SLAMF6: variants seen among roughly 807,000 people sequenced by gnomAD.
The protein encoded by SLAMF6 is SLAM family member 6.
SLAMF6 carries 21 observed loss-of-function variants against 38.3 expected under a neutral mutation model. That is an observed-to-expected ratio of 0.55 (90% CI 0.39 to 0.79). The LOEUF is 0.79. Ranked by LOEUF, SLAMF6 falls within the 30% of genes least tolerant of loss-of-function variation. The probability of loss-of-function intolerance (pLI) is 0.00; values close to 1 mark genes in which losing one functional copy is unlikely to be tolerated. For missense variants in SLAMF6, 341 were observed against 385.3 expected, an observed-to-expected ratio of 0.89 and a Z score of 0.96; for synonymous variants, 152 against 146.3, an observed-to-expected ratio of 1.04 and a Z score of -0.28.
chr1:160,516,022 A>G (rs1654726859), intron 1 of SLAMF6, among the ~76,000 whole-genome samples: 1 of 152,178 alleles, frequency 6.6e-6, no homozygotes, highest in Non-Finnish European at 1.5e-5. Flanking sequence ...GGCAAGAGAA[A>G]GAAATAAAGC....
chr1:160,490,160 C>G (rs555033934), intron 5 of SLAMF6, 38 bp downstream of exon 5: 2 of 1,610,888 alleles, frequency 1.2e-6, no homozygotes, highest in East Asian at 2.2e-5. Flanking sequence ...CTCTTCCCAT[C>G]TGCTTTATGA....
At chr1:160,489,896 T>A (rs1653187251) in intron 5 of SLAMF6, among the ~76,000 whole-genome samples, 1 of 152,178 alleles carries the variant, frequency 6.6e-6, no homozygotes, top group Non-Finnish European at 1.5e-5. Flanking sequence ...GCCTGTGCCC[T>A]GGACTTGCTG....
At position 160,523,204 on chromosome 1, in the gene SLAMF6, T is replaced by C. The variant is rs762835089; in HGVS notation, c.-12A>G. 6.2e-7 allele frequency: 1 copy of C among 1,612,878 alleles called. No individual in the cohort carries two copies. The highest frequency in any genetic ancestry group is 8.5e-7 in the Non-Finnish European group (1 of 1,179,504). Reference sequence around the variant, plus strand: ...AACAGCCACAACATGCTTTCCGCGGTGAAGACTGGTGCTTGAGACCTTGAG... The same window carrying C: ...AACAGCCACAACATGCTTTCCGCGGCGAAGACTGGTGCTTGAGACCTTGAG... On this transcript the variant is annotated 5_prime_UTR_variant, in exon 1 of 8. Transcript: ENST00000368057.
At chr1:160,498,149 TTTTTTTTTTATTTTTTGA>T (rs1437334246) in intron 1 of SLAMF6, among the ~76,000 whole-genome samples, 35 of 141,280 alleles carry the variant, frequency 2.5e-4, no homozygotes, top group African/African-American at 1.0e-3. Context: ...CTAGCACCTG[TTTTTTTTTTATTTTTTGA>T]CTTTTAATAA....
chr1:160,487,615 G>C (rs1041005065), intron 6 of SLAMF6, among the ~76,000 whole-genome samples: 1 of 152,130 alleles, frequency 6.6e-6, no homozygotes, highest in Non-Finnish European at 1.5e-5. Flanking sequence ...TAACTGCCTT[G>C]TCATCATGTC....
rs141089548 is a variant in SLAMF6 at position 160,501,675 on chromosome 1, G to T, written c.50-5282C>A. Among the ~76,000 whole-genome samples the T allele has an allele frequency of 4.3e-3, 638 of 148,794 alleles. 4 individuals are homozygous for T. The highest frequency in any genetic ancestry group is 0.015 in the African/African-American group (589 of 40,298). ...TGAGTTCTCCATTACTTAATTATTT[G>T]TAATTCTTCCAATAATGCCTTGCTT... On this transcript the variant is annotated intron_variant, in intron 1 of 7. Transcript: ENST00000368057.
Position 160,486,517 on chromosome 1 carries a change from A to T in SLAMF6, c.*190T>A. On this transcript the variant is annotated 3_prime_UTR_variant, in exon 8 of 8. Transcript: ENST00000368057. ...ATATTATTTGAACCACATGCTGGAA[A>T]TGATGTTATCCTTAGGTGTTTGACT... 1.7e-6 allele frequency: 1 copy of T among 573,044 alleles called. No homozygotes were observed. Among genetic ancestry groups the T allele is most frequent in the South Asian group, 2.2e-5 (1 of 45,266 alleles). The allele number at this position is 573,044 out of a possible 1,614,324, so 35.5% of individuals were successfully genotyped here.
Position 160,496,074 on chromosome 1 carries a change from AG to A in SLAMF6, c.368del (p.Thr123IlefsTer2). 2 of 1,612,522 alleles carry A rather than the reference AG, an allele frequency of 1.2e-6. No individual in the cohort carries two copies. Among genetic ancestry groups the A allele is most frequent in the Non-Finnish European group, 1.7e-6 (2 of 1,178,998 alleles). ...ATTTTGACTTACTTAATATCCTCAG[AG>A]TGTAACTGGACAGCTTTGCAGAGGT... ...TKTSAKLSSY[T>X]LRILRQLRNI... On this transcript the variant is annotated frameshift_variant, in exon 2 of 8. Coordinates refer to ENST00000368057, the MANE Select transcript of SLAMF6 (RefSeq NM_001184714.2). LOFTEE classifies it high-confidence loss of function.
intron 1 of SLAMF6, among the ~76,000 whole-genome samples, chr1:160,509,591 C>G (rs535669467): frequency 1.3e-5 from 2 of 152,108 alleles, no homozygotes; most frequent in Admixed American, 1.3e-4. Flanking sequence ...CAACATGGCA[C>G]ATATATACCT....
At chr1:160,521,961 G>A (rs1401198985) in intron 1 of SLAMF6, among the ~76,000 whole-genome samples, 2 of 151,996 alleles carry the variant, frequency 1.3e-5, no homozygotes, top group African/African-American at 4.8e-5. Context: ...AACTCCATGA[G>A]GGCAGGAATT....
chr1:160,490,085 G>T, intron 5 of SLAMF6, 113 bp downstream of exon 5: 2 of 1,226,154 alleles, frequency 1.6e-6, no homozygotes, highest in Non-Finnish European at 2.4e-6. Flanking sequence ...TCTGAGTAAT[G>T]ACATTCTGAC....
At chr1:160,503,379 G>A (rs1053886397) in intron 1 of SLAMF6, among the ~76,000 whole-genome samples, 1 of 151,968 alleles carries the variant, frequency 6.6e-6, no homozygotes, top group African/African-American at 2.4e-5. Context: ...TTTTGCATTG[G>A]CTGGTGCGAA....
intron 6 of SLAMF6, among the ~76,000 whole-genome samples, chr1:160,488,105 A>C (rs1000061811): frequency 1.3e-5 from 2 of 151,312 alleles, no homozygotes; most frequent in Non-Finnish European, 2.9e-5. Context: ...AAAAAAAAAA[A>C]CCAAAAAACA....
chr1:160,489,423 C>G (rs1653152761), intron 5 of SLAMF6, among the ~76,000 whole-genome samples: 1 of 152,186 alleles, frequency 6.6e-6, no homozygotes, highest in South Asian at 2.1e-4. Context: ...GAGTCTCCCT[C>G]AGGCTTCACA....
At chr1:160,501,822 A>G (rs1653912240) in intron 1 of SLAMF6, among the ~76,000 whole-genome samples, 1 of 149,464 alleles carries the variant, frequency 6.7e-6, no homozygotes, top group South Asian at 2.1e-4. Flanking sequence ...TCTTATATTT[A>G]TGGGGGTTTT....
intron 1 of SLAMF6, among the ~76,000 whole-genome samples, chr1:160,522,589 T>A (rs1655032910): frequency 6.6e-6 from 1 of 151,814 alleles, no homozygotes; most frequent in Admixed American, 6.6e-5. Context: ...CTGGACTAGC[T>A]AGCCCTAATT....
At position 160,523,253 on chromosome 1, in the gene SLAMF6, G is replaced by C; in HGVS notation, c.-61C>G. ...AGGCAGTCAATGTTTTTGCCCTTCT[G>C]TCATAAACTGAAAATACTTCTGAGA... On this transcript the variant is annotated 5_prime_UTR_variant, in exon 1 of 8. Transcript: ENST00000368057. The C allele has an allele frequency of 4.4e-6, 7 of 1,581,084 alleles. No homozygotes were observed. The highest frequency in any genetic ancestry group is 5.2e-6 in the Non-Finnish European group (6 of 1,161,560).
At chr1:160,519,814 C>G (rs1654906689) in intron 1 of SLAMF6, among the ~76,000 whole-genome samples, 1 of 151,826 alleles carries the variant, frequency 6.6e-6, no homozygotes, top group Admixed American at 6.6e-5. Flanking sequence ...TGGGAAATGA[C>G]TGCTTAGTGG....
intron 1 of SLAMF6, among the ~76,000 whole-genome samples, chr1:160,504,989 G>A (rs767019077): frequency 6.6e-6 from 1 of 152,114 alleles, no homozygotes; most frequent in Non-Finnish European, 1.5e-5. Context: ...TTAAAGGAGT[G>A]CCCCAAAACA....
Sources: allele counts gnomAD v4.1 joint callset (sites outside exome capture counted in the v4.1 genomes callset), GRCh38; gene constraint gnomAD v4.1.1; transcripts MANE v1.5; gene names NCBI Gene and HGNC (gene_info 2026-07-23, HGNC 2026-07-21).